The following NPHP4 variants were observed in gnomAD, a reference collection of about 807,000 sequenced individuals.
NPHP4 encodes the protein nephrocystin 4.
Under a neutral mutation model 155.8 loss-of-function variants are expected in NPHP4, and 151 were observed. The ratio of observed to expected loss-of-function variants is 0.97; its 90% CI spans 0.85 to 1.11. The LOEUF (loss-of-function observed/expected upper bound fraction) is 1.11. Ranked by LOEUF, NPHP4 falls within the 50% of genes least tolerant of loss-of-function variation. The pLI is 0.00. For missense variants in NPHP4, 1,956 were observed against 1,925.7 expected (o/e 1.02, Z -0.29); for synonymous variants, 845 against 816.8 (o/e 1.03, Z -0.59).
chr1:5,868,085 G>C (rs1394696654), intron 23 of NPHP4, 189 bp from the exon 24 acceptor site: 1 of 733,872 alleles, frequency 1.4e-6, no homozygotes, highest in South Asian at 1.5e-5. Flanking sequence ...CCACCAGGAG[G>C]GGACCGCTAA....
At chr1:5,970,749 ATCC>A (rs1652411702) in intron 3 of NPHP4, among the ~76,000 whole-genome samples, 1 of 152,144 alleles carries the variant, frequency 6.6e-6, no homozygotes, top group African/African-American at 2.4e-5. Context: ...ACTTGGAATA[ATCC>A]TCCTATTAAC....
chr1:5,865,361 G>A, intron 26 of NPHP4, 88 bp from the exon 27 acceptor site: 1 of 1,216,744 alleles, frequency 8.2e-7, no homozygotes, highest in Non-Finnish European at 1.1e-6. Context: ...AGGAGCGTGG[G>A]CAGACAGGAG....
Position 5,974,904 on chromosome 1 carries a change from G to A in NPHP4, c.279+3366C>T, listed in dbSNP as rs181698257. Among the ~76,000 whole-genome samples, 77 of 152,156 alleles carry A rather than the reference G, an allele frequency of 5.1e-4. 1 individual carries two copies. The highest frequency in any genetic ancestry group is 1.6e-3 in the African/African-American group (65 of 41,500). On this transcript the variant is annotated intron_variant, in intron 3 of 29. Coordinates refer to ENST00000378156, the MANE Select transcript of NPHP4 (RefSeq NM_015102.5). ...GCTCCAAATGCGGTCCCCTGCTACC[G>A]GCAGCTCACCAACCCCAAAGCAGAT...
intron 1 of NPHP4, among the ~76,000 whole-genome samples, chr1:5,987,749 G>C (rs1222849211): frequency 6.6e-6 from 1 of 152,190 alleles, no homozygotes; most frequent in Admixed American, 6.5e-5. Context: ...TGACTGGGCT[G>C]CATGCTGAAC....
chr1:5,955,721 G>A (rs1319029099), intron 6 of NPHP4, among the ~76,000 whole-genome samples: 5 of 152,224 alleles, frequency 3.3e-5, no homozygotes, highest in Non-Finnish European at 7.3e-5. Context: ...GCGGAGCACA[G>A]AACAGTGGTT....
intron 16 of NPHP4, among the ~76,000 whole-genome samples, chr1:5,896,163 T>C (rs1442408983): frequency 6.6e-6 from 1 of 152,270 alleles, no homozygotes; most frequent in East Asian, 1.9e-4. Flanking sequence ...AAAAGTCTGG[T>C]TACTGTTGTT....
intron 10 of NPHP4, among the ~76,000 whole-genome samples, chr1:5,932,064 C>A (rs1396792891): frequency 3.3e-5 from 5 of 151,902 alleles, no homozygotes; most frequent in Non-Finnish European, 7.4e-5. Context: ...CAGAGTAAGA[C>A]CCTGTCTCAA....
chr1:5,984,493 C>T (rs1655170528), intron 2 of NPHP4, among the ~76,000 whole-genome samples: 1 of 152,014 alleles, frequency 6.6e-6, no homozygotes. Context: ...TGAGATCACA[C>T]CACTGCACTA....
chr1:5,904,149 C>T (rs541580540), intron 16 of NPHP4, among the ~76,000 whole-genome samples: 5 of 152,276 alleles, frequency 3.3e-5, no homozygotes, highest in African/African-American at 1.2e-4. Flanking sequence ...GGTACGGTGG[C>T]AGCAACTGCA....
Position 5,905,396 on chromosome 1 carries a change from G to C in NPHP4, c.1851C>G (p.Ala617=). The change falls in exon 15 of 30, where the codon GCC becomes GCG. Residue 617 remains alanine, a synonymous_variant. Transcript: ENST00000378156. The surrounding 1 kb of genome is among the most constrained non-coding windows in gnomAD (Gnocchi z 4.0). ...PEILDANKQP[A]EAVSATEPVT... ...CAGGTTCTGTAGCGCTGACAGCCTC[G>C]GCTGGCTGTTTATTGGCATCCAGAA... The C allele has an allele frequency of 6.2e-7, 1 of 1,613,430 alleles. No homozygotes were observed. Among genetic ancestry groups the C allele is most frequent in the East Asian group, 2.2e-5 (1 of 44,866 alleles).
At position 5,942,019 on chromosome 1, in the gene NPHP4, A is replaced by C. The variant is rs571574165; in HGVS notation, c.1119+5085T>G. Among the ~76,000 whole-genome samples, 8 of 152,326 alleles carry C rather than the reference A, an allele frequency of 5.3e-5. No homozygotes were observed. In the East Asian group the frequency reaches 1.5e-3, roughly 29 times the overall value. ...CTCAGAGTCTCCCCACAGATCACTT[A>C]TTAGCTGCATGGAGGAAAAAAGGTA... On this transcript the variant is annotated intron_variant, in intron 9 of 29. Transcript: ENST00000378156.
rs887784514 is a variant in NPHP4, at chr1:5,910,345, C to T, written c.1442-1132G>A. On this transcript the variant is annotated intron_variant, in intron 11 of 29. Transcript: ENST00000378156. The surrounding 1 kb of genome is among the most constrained non-coding windows in gnomAD (Gnocchi z 5.4). Reference sequence around the variant, plus strand: ...CTCCACTGCAGCAGACACTACCACTCCCCATCGGACTTCCAGGATAACCCA... The same window carrying T: ...CTCCACTGCAGCAGACACTACCACTTCCCATCGGACTTCCAGGATAACCCA... 1.3e-5 allele frequency among the ~76,000 whole-genome samples: 2 copies of T among 152,172 alleles called. No homozygotes were observed. The highest frequency in any genetic ancestry group is 2.9e-5 in the Non-Finnish European group (2 of 68,032).
At chr1:5,955,697 T>C (rs1433324065) in intron 6 of NPHP4, among the ~76,000 whole-genome samples, 1 of 151,932 alleles carries the variant, frequency 6.6e-6, no homozygotes, top group Non-Finnish European at 1.5e-5. Flanking sequence ...AAAAGAAGAG[T>C]TGGTACCATA....
intron 16 of NPHP4, among the ~76,000 whole-genome samples, chr1:5,899,156 C>A (rs1644544756): frequency 6.6e-6 from 1 of 152,174 alleles, no homozygotes; most frequent in African/African-American, 2.4e-5. Flanking sequence ...GGTGCTGCTC[C>A]ACAACCCAGC....
chr1:5,873,189 G>C (rs1642188717), intron 23 of NPHP4, 63 bp downstream of exon 23: 3 of 1,395,332 alleles, frequency 2.2e-6, no homozygotes, highest in Non-Finnish European at 3.1e-6. Flanking sequence ...AAGGACACAA[G>C]GGTCAGGCCC....
chr1:5,871,835 C>T (rs140663533), intron 23 of NPHP4, among the ~76,000 whole-genome samples: 1 of 152,124 alleles, frequency 6.6e-6, no homozygotes, highest in Non-Finnish European at 1.5e-5. Context: ...CAGACGATGC[C>T]GAGGTCTGCG....
intron 9 of NPHP4, among the ~76,000 whole-genome samples, chr1:5,941,570 T>A (rs1646818362): frequency 6.6e-6 from 1 of 151,188 alleles, no homozygotes; most frequent in African/African-American, 2.5e-5. Context: ...ACAAAGAACT[T>A]TTAATATTTG....
At chr1:5,908,538 C>T (rs567114497) in intron 12 of NPHP4, among the ~76,000 whole-genome samples, 5 of 152,336 alleles carry the variant, frequency 3.3e-5, no homozygotes, top group Admixed American at 6.5e-5. Flanking sequence ...GTGAGCGCCA[C>T]GGGTGTCTCG....
At chr1:5,964,933 A>ATTTTTTTTTTTTTTTTTT (rs1327414741) in intron 5 of NPHP4, among the ~76,000 whole-genome samples, 1 of 23,782 alleles carries the variant, frequency 4.2e-5, no homozygotes, top group Non-Finnish European at 7.2e-5. Context: ...ATATATATAT[A>ATTTTTTTTTTTTTTTTTT]TATATATATT....
Sources: allele counts gnomAD v4.1 joint callset (sites outside exome capture counted in the v4.1 genomes callset), GRCh38; gene constraint gnomAD v4.1.1; non-coding constraint Gnocchi (gnomAD v3.1); transcripts MANE v1.5; gene names NCBI Gene and HGNC (gene_info 2026-07-23, HGNC 2026-07-21).